PDE4A: variants seen among roughly 807,000 people sequenced by gnomAD.
The protein encoded by PDE4A is 3',5'-cyclic-AMP phosphodiesterase 4A.
Under a neutral mutation model 73.9 loss-of-function variants are expected in PDE4A, and 21 were observed. The observed-to-expected ratio is 0.28, with a 90% CI of 0.20 to 0.41. The LOEUF is 0.41. PDE4A is among the 10% of genes least tolerant of loss of function. PDE4A has a pLI of 1.00. For synonymous variants in PDE4A, 463 were observed against 505.4 expected (o/e 0.92, Z 1.13); for missense variants, 958 against 1,211.4 (o/e 0.79, Z 3.10).
chr19:10,452,990 C>A (rs2043115565), intron 6 of PDE4A: 1 of 1,278,372 alleles, frequency 7.8e-7, no homozygotes, highest in Non-Finnish European at 9.9e-7. Flanking sequence ...TTGCCCTGCC[C>A]CCCTCCCATG....
At chr19:10,444,820 C>T (rs2042983219) in intron 1 of PDE4A, among the ~76,000 whole-genome samples, 1 of 151,928 alleles carries the variant, frequency 6.6e-6, no homozygotes, top group African/African-American at 2.4e-5. Context: ...TTACAGGCAT[C>T]CACCACCACG....
rs545716128 is a variant in PDE4A at position 10,424,986 on chromosome 19, C to T, written c.320+3902C>T. On this transcript the variant is annotated intron_variant, in intron 1 of 14. Coordinates refer to ENST00000380702, the MANE Select transcript of PDE4A (RefSeq NM_001111307.2). The surrounding 1 kb of genome is among the most constrained non-coding windows in gnomAD (Gnocchi z 4.8). Reference sequence around the variant, plus strand: ...TCTGTAATCTGAGCACTTTGGGAGACCGAGGTGGGCGGATCACGAATGAGG... The same window carrying T: ...TCTGTAATCTGAGCACTTTGGGAGATCGAGGTGGGCGGATCACGAATGAGG... Among the ~76,000 whole-genome samples the T allele has an allele frequency of 3.3e-5, 5 of 152,246 alleles. No homozygotes were observed. In the South Asian group the frequency reaches 1.0e-3, roughly 32 times the overall value.
At chr19:10,417,137 C>A, upstream of PDE4A, 1 of 1,435,254 alleles carries the variant, frequency 7.0e-7, no homozygotes, top group Non-Finnish European at 9.1e-7. Context: ...CAGTTTACCC[C>A]CTTGATTCCA....
intron 6 of PDE4A, 73 bp from the exon 7 acceptor site, chr19:10,454,756 T>C (rs907158351): frequency 2.4e-5 from 39 of 1,604,202 alleles, no homozygotes; most frequent in Non-Finnish European, 3.2e-5. Context: ...CAGGCGTTCT[T>C]GGGAAGGACT....
intron 1 of PDE4A, chr19:10,428,735 AG>A (rs2042749606): frequency 1.0e-6 from 1 of 976,554 alleles, no homozygotes; most frequent in Non-Finnish European, 1.2e-6. Context: ...ATGGCTAAGA[AG>A]TGCCAGAGGC....
At position 10,453,300 on chromosome 19, in the gene PDE4A, A is replaced by G. The variant is rs1408534900; in HGVS notation, c.784-1529A>G. 8.7e-6 allele frequency: 14 copies of G among 1,613,338 alleles called. No homozygotes were observed. The highest frequency in any genetic ancestry group is 1.2e-5 in the Non-Finnish European group (14 of 1,179,722). On this transcript the variant is annotated intron_variant, in intron 6 of 14. Transcript: ENST00000380702. This position sits in a 1 kb window ranked among gnomAD's most constrained non-coding sequence, Gnocchi z 4.6. ...GGATTTCTTCTGCGAGACCTGCTCT[A>G]AGCCTTGGCTGGTGGGCTGGTGGGA...
In PDE4A at chr19:10,432,516, C is replaced by T. The variant is rs1012247071; in HGVS notation, c.320+11432C>T. The T allele has an allele frequency of 2.0e-6, 3 of 1,525,248 alleles. No homozygotes were observed. In the African/African-American group the frequency reaches 4.3e-5, roughly 22 times the overall value. 94.5% of individuals were successfully genotyped at this position (1,525,248 alleles called of 1,614,324 possible). ...CCCCACGGGCCCCGAGTCCCTGACCCACTTCCCCTTCAGCGATGAGGACAC... is the reference window on the plus strand; with the variant it reads ...CCCCACGGGCCCCGAGTCCCTGACCTACTTCCCCTTCAGCGATGAGGACAC... On this transcript the variant is annotated intron_variant, in intron 1 of 14. Coordinates refer to ENST00000380702, the MANE Select transcript of PDE4A (RefSeq NM_001111307.2).
At position 10,453,314 on chromosome 19, in the gene PDE4A, G is replaced by A. The variant is rs976251639; in HGVS notation, c.784-1515G>A. Reference sequence around the variant, plus strand: ...AGACCTGCTCTAAGCCTTGGCTGGTGGGCTGGTGGGACCAGGTAGGAGAGT... The same window carrying A: ...AGACCTGCTCTAAGCCTTGGCTGGTAGGCTGGTGGGACCAGGTAGGAGAGT... On this transcript the variant is annotated intron_variant, in intron 6 of 14. Transcript: ENST00000380702. The surrounding 1 kb of genome is among the most constrained non-coding windows in gnomAD (Gnocchi z 4.6). 6.2e-6 allele frequency: 10 copies of A among 1,613,458 alleles called. No homozygotes were observed. Among genetic ancestry groups the A allele is most frequent in the Non-Finnish European group, 8.5e-6 (10 of 1,179,756 alleles).
At chr19:10,420,456 G>T, upstream of PDE4A, 5 of 880,892 alleles carry the variant, frequency 5.7e-6, no homozygotes, top group Non-Finnish European at 6.8e-6. The surrounding 1 kb of genome is among the most constrained non-coding windows in gnomAD (Gnocchi z 6.0). Flanking sequence ...GCGGCGGGCG[G>T]GGGGCGGGGA....
At chr19:10,456,535 AT>A (rs200758363) in intron 7 of PDE4A, among the ~76,000 whole-genome samples, 158 of 145,274 alleles carry the variant, frequency 1.1e-3, no homozygotes, top group Middle Eastern at 3.5e-3. Context: ...CAAAAAAAAA[AT>A]AAATAAATAA....
chr19:10,458,017 A>C lies in PDE4A; in HGVS notation c.1016A>C (p.Lys339Thr). 1 of 1,613,978 alleles carries C rather than the reference A, an allele frequency of 6.2e-7. No homozygotes were observed. Among genetic ancestry groups the C allele is most frequent in the Non-Finnish European group, 8.5e-7 (1 of 1,180,028 alleles). ...CCCATGTCCCAAATCACAGGGTTGA[A>C]AAAGTTGATGCATAGTAACAGCCTG... Reference protein sequence around the residue: ...LQPMSQITGLKKLMHSNSLNN... With the variant: ...LQPMSQITGLTKLMHSNSLNN... The change falls in exon 8 of 15, where the codon AAA becomes ACA. Residue 339 changes from lysine (K) to threonine (T), a missense_variant. Lys to Thr is a moderately conservative substitution (Grantham distance 78, BLOSUM62 -1). This residue lies in a region of PDE4A where 570 missense variants were observed against 827.7 expected (regional missense o/e 0.69). Transcript: ENST00000380702. This position sits in a 1 kb window ranked among gnomAD's most constrained non-coding sequence, Gnocchi z 4.6.
chr19:10,419,083 A>G (rs2042614682), upstream of PDE4A: 1 of 958,572 alleles, frequency 1.0e-6, no homozygotes. Flanking sequence ...TTTTTTTTCA[A>G]ATAAGGAGAA....
intron 2 of PDE4A, among the ~76,000 whole-genome samples, chr19:10,447,344 G>C (rs1389238125): frequency 2.1e-5 from 3 of 140,968 alleles, no homozygotes; most frequent in Non-Finnish European, 4.5e-5. Flanking sequence ...TCCTGCCTCA[G>C]CCTCCTGAGT....
In PDE4A at chr19:10,420,708, G is replaced by T. The variant is rs559312794; in HGVS notation, c.-57G>T. ...GGCTCGCTGGCTTGCGCGCAGCTGA[G>T]CGGGGTGTAGGTTGGAAGGGCCAGG... On this transcript the variant is annotated 5_prime_UTR_variant, in exon 1 of 15. Transcript: ENST00000380702. This position sits in a 1 kb window ranked among gnomAD's most constrained non-coding sequence, Gnocchi z 6.0. 1,060 of 1,416,334 alleles carry T rather than the reference G, an allele frequency of 7.5e-4. 2 individuals carry two copies. The African/African-American group carries it at 0.014, about 19-fold the overall frequency. 87.7% of individuals were successfully genotyped at this position (1,416,334 alleles called of 1,614,324 possible). A position where few individuals can be genotyped will look rare whatever the true frequency, so the allele number is the denominator to read the frequency against.
intron 1 of PDE4A, among the ~76,000 whole-genome samples, chr19:10,445,640 T>C (rs2042992621): frequency 6.6e-6 from 1 of 151,684 alleles, no homozygotes; most frequent in African/African-American, 2.4e-5. Context: ...CGGTGGTGCA[T>C]GTCTGTAATC....
At chr19:10,437,262 C>T (rs1391822819) in intron 1 of PDE4A, among the ~76,000 whole-genome samples, 2 of 151,970 alleles carry the variant, frequency 1.3e-5, no homozygotes, top group East Asian at 1.9e-4. Flanking sequence ...TAGCTGAGAT[C>T]ACAGGCGCAC....
chr19:10,465,906 G>T (rs1172609771), intron 14 of PDE4A, among the ~76,000 whole-genome samples: 5 of 149,134 alleles, frequency 3.4e-5, no homozygotes, highest in Admixed American at 3.3e-4. Context: ...TCACCATGTT[G>T]GCCAGGCTGG....
Position 10,467,758 on chromosome 19 carries a change from TTC to T in PDE4A, c.*139_*140del. The T allele has an allele frequency of 3.1e-6, 2 of 639,106 alleles. No individual in the cohort carries two copies. The highest frequency in any genetic ancestry group is 4.8e-6 in the Non-Finnish European group (2 of 417,822). 39.6% of individuals were successfully genotyped at this position (639,106 alleles called of 1,614,324 possible). On this transcript the variant is annotated 3_prime_UTR_variant, in exon 15 of 15. Transcript: ENST00000380702. ...AAAGAAAACGAAAAGTGGGGTTTTTTTCTGTTTTCTTTTTTTCCCCTTTCCCC... is the reference window on the plus strand; with the variant it reads ...AAAGAAAACGAAAAGTGGGGTTTTTTTGTTTTCTTTTTTTCCCCTTTCCCC...
chr19:10,449,655 C>T lies in PDE4A; in HGVS notation c.620+505C>T, dbSNP rs189529582. 5.3e-5 allele frequency among the ~76,000 whole-genome samples: 8 copies of T among 152,114 alleles called. No homozygotes were observed. In the East Asian group the frequency reaches 5.8e-4, roughly 11 times the overall value. ...GATTACAGGTGTGAGCCTCTGCGCC[C>T]GGCCCAGAGGTTTTTATAAATAAAG... On this transcript the variant is annotated intron_variant, in intron 4 of 14. Transcript: ENST00000380702.
Sources: gnomAD v4.1 joint callset for allele counts (sites outside exome capture counted in the v4.1 genomes callset) on GRCh38, gnomAD v4.1.1 for gene constraint, gnomAD v4.1.1 regional missense constraint, Gnocchi (gnomAD v3.1) non-coding constraint, MANE v1.5 for transcripts, NCBI Gene and HGNC (gene_info 2026-07-23, HGNC 2026-07-21) for gene names.